ARHGAP32: variants seen among roughly 807,000 people sequenced by gnomAD.
ARHGAP32 encodes the protein rho GTPase-activating protein 32.
In ARHGAP32, 51 loss-of-function variants were observed where a neutral mutation model predicts 186.5. The ratio of observed to expected loss-of-function variants is 0.27; its 90% confidence interval spans 0.22 to 0.35. The LOEUF (loss-of-function observed/expected upper bound fraction) is 0.35. Ranked by LOEUF, ARHGAP32 falls within the 10% of genes least tolerant of loss-of-function variation. The pLI is 1.00. For synonymous variants in ARHGAP32, 950 were observed against 964.3 expected (o/e 0.99, Z 0.27); for missense variants, 2,186 against 2,623.5 (o/e 0.83, Z 3.64).
chr11:129,251,464 A>G (rs1259600050), intron 1 of ARHGAP32, among the ~76,000 whole-genome samples: 1 of 152,188 alleles, frequency 6.6e-6, no homozygotes, highest in Non-Finnish European at 1.5e-5. Flanking sequence ...ACAGAAAATG[A>G]CATCTAAGTT....
Position 129,124,881 on chromosome 11 carries a change from T to C in ARHGAP32, c.239A>G (p.Asp80Gly), listed in dbSNP as rs1942624615. The change falls in exon 3 of 23, where the codon GAT becomes GGT. Residue 80 changes from aspartate to glycine, a missense_variant. Coordinates refer to ENST00000682385, the MANE Select transcript of ARHGAP32 (RefSeq NM_001378024.1). ...AAGATCTCCAGGAATCTCTGGAACA[T>C]CTGCGCCTCTTGCCTTAAAAAATAA... ...ETLSAMARGA[D>G]VPEIPGDLTL... 1.2e-6 allele frequency: 2 copies of C among 1,609,172 alleles called. No homozygotes were observed. Among genetic ancestry groups the C allele is most frequent in the South Asian group, 2.2e-5 (2 of 90,228 alleles).
chr11:129,149,170 G>C (rs1305535912), intron 2 of ARHGAP32, among the ~76,000 whole-genome samples: 1 of 152,140 alleles, frequency 6.6e-6, no homozygotes, highest in Non-Finnish European at 1.5e-5. Context: ...CCACCCACAG[G>C]CTGGAGGCCA....
rs970395814 is a variant in ARHGAP32 at position 129,165,756 on chromosome 11, TA to T, written c.117-1330del. Among the ~76,000 whole-genome samples the T allele has an allele frequency of 9.2e-3, 1,293 of 140,048 alleles. 13 individuals carry two copies. Among genetic ancestry groups the T allele is most frequent in the African/African-American group, 0.03 (1,154 of 38,198 alleles). 91.9% of individuals were successfully genotyped at this position (140,048 alleles called of 152,430 possible). On this transcript the variant is annotated intron_variant, in intron 1 of 22. Transcript: ENST00000682385. ...AGCATCACCCCTAGCCTAGTAATAATAAAAAAAAAAATAGATAATCTGAAAA... is the reference window on the plus strand; with the variant it reads ...AGCATCACCCCTAGCCTAGTAATAATAAAAAAAAAATAGATAATCTGAAAA...
chr11:129,093,577 A>C, intron 6 of ARHGAP32, 44 bp downstream of exon 6: 1 of 1,367,896 alleles, frequency 7.3e-7, no homozygotes, highest in Non-Finnish European at 1.0e-6. Context: ...ACTCAACCTA[A>C]TTCTTAACTT....
chr11:129,271,369 A>G (rs556301781), intron 1 of ARHGAP32, among the ~76,000 whole-genome samples: 5 of 152,296 alleles, frequency 3.3e-5, no homozygotes, highest in African/African-American at 1.2e-4. Context: ...GAGGAAAAAA[A>G]GAAATCAAGG....
chr11:129,188,451 G>A lies in ARHGAP32; in HGVS notation c.116+3632C>T, dbSNP rs141295631. Reference sequence around the variant, plus strand: ...TCATCTAGATCTGATCTGATCGCCTGGGCCTGGGAGTTCAAAGCTGTTTTG... The same window carrying A: ...TCATCTAGATCTGATCTGATCGCCTAGGCCTGGGAGTTCAAAGCTGTTTTG... On this transcript the variant is annotated intron_variant, in intron 1 of 22. Coordinates refer to ENST00000682385, the MANE Select transcript of ARHGAP32 (RefSeq NM_001378024.1). Among the ~76,000 whole-genome samples the A allele has an allele frequency of 2.7e-3, 408 of 152,248 alleles. 1 individual carries two copies. In the South Asian group the frequency reaches 0.033, roughly 12 times the overall value.
chr11:128,974,523 A>G lies in ARHGAP32; in HGVS notation c.2674T>C (p.Ser892Pro). ...TTTTCAGTAAAGGAGGATGGCTTAG[A>G]TGATTTATCTTCAGTTGGGCTCAAG... ...LDLSPTEDKS[S>P]KPSSFTEKVV... The change falls in exon 21 of 23, where the codon TCT becomes CCT. Residue 892 changes from serine (S) to proline (P), a missense_variant. Ser to Pro is a moderately conservative substitution (Grantham distance 74). Around this residue, in one of 5 missense-constraint regions of ARHGAP32, gnomAD observed 1,502 missense variants for 1,570.0 expected, o/e 0.96. Coordinates refer to ENST00000682385, the MANE Select transcript of ARHGAP32 (RefSeq NM_001378024.1). The G allele has an allele frequency of 1.2e-6, 2 of 1,614,166 alleles. No individual in the cohort carries two copies. The highest frequency in any genetic ancestry group is 1.3e-5 in the African/African-American group (1 of 75,032).
chr11:128,985,852 G>GTATATA lies in ARHGAP32; in HGVS notation c.1526+150_1526+151insTATATA, dbSNP rs1356966729. 2.4e-3 allele frequency: 312 copies of GTATATA among 129,752 alleles called. 1 individual carries two copies. The highest frequency in any genetic ancestry group is 0.01 in the African/African-American group (228 of 22,756). 8.0% of individuals were successfully genotyped at this position (129,752 alleles called of 1,614,324 possible). A position where few individuals can be genotyped will look rare whatever the true frequency, so the allele number is the denominator to read the frequency against. The stretch of plus-strand genomic sequence containing the variant: ...TGTGCGTGTGTGTGTGTGTGTGTGT[G>GTATATA]TGTGTGTATATATATATATATATAT... On this transcript the variant is annotated intron_variant, in intron 15 of 22. Coordinates refer to ENST00000682385, the MANE Select transcript of ARHGAP32 (RefSeq NM_001378024.1).
At chr11:129,176,501 C>T (rs1461884504) in intron 1 of ARHGAP32, among the ~76,000 whole-genome samples, 4 of 138,884 alleles carry the variant, frequency 2.9e-5, no homozygotes, top group Non-Finnish European at 4.7e-5. Flanking sequence ...CAGCACCACA[C>T]CACACCCATT....
intron 11 of ARHGAP32, among the ~76,000 whole-genome samples, chr11:129,010,577 G>C (rs1938033763): frequency 6.6e-6 from 1 of 152,008 alleles, no homozygotes; most frequent in African/African-American, 2.4e-5. Context: ...GTTTTTGTCA[G>C]GTTTGTTGAA....
At chr11:129,116,248 T>C (rs1355073019) in intron 5 of ARHGAP32, among the ~76,000 whole-genome samples, 4 of 152,042 alleles carry the variant, frequency 2.6e-5, no homozygotes, top group Non-Finnish European at 5.9e-5. Context: ...TCAACAATAC[T>C]ATAAGTAAAC....
At chr11:129,169,503 C>T (rs369965789) in intron 1 of ARHGAP32, among the ~76,000 whole-genome samples, 36 of 151,782 alleles carry the variant, frequency 2.4e-4, no homozygotes, top group Admixed American at 7.9e-4. Context: ...TGGTGGCGGG[C>T]GCCTATAGTC....
intron 1 of ARHGAP32, among the ~76,000 whole-genome samples, chr11:129,232,688 T>C (rs935933796): frequency 2.0e-5 from 3 of 152,192 alleles, no homozygotes; most frequent in Non-Finnish European, 4.4e-5. Flanking sequence ...TCCAAGTTCA[T>C]GCGGGTTGTT....
Position 129,271,624 on chromosome 11 carries a change from C to T in ARHGAP32, c.-5+7522G>A, listed in dbSNP as rs1307696779. Reference sequence around the variant, plus strand: ...CTAGAAATAAGAATTTGAGCCTCATCGGCATATAAATGGTATTTGAAACCA... The same window carrying T: ...CTAGAAATAAGAATTTGAGCCTCATTGGCATATAAATGGTATTTGAAACCA... On this transcript the variant is annotated intron_variant, in intron 1 of 6. Transcript: ENST00000525234. Among the ~76,000 whole-genome samples, 3 of 152,156 alleles carry T rather than the reference C, an allele frequency of 2.0e-5. No individual in the cohort carries two copies. The East Asian group carries it at 5.8e-4, about 29-fold the overall frequency.
chr11:129,193,571 T>TATATATATATATTATATATA (rs1944319656), upstream of ARHGAP32, among the ~76,000 whole-genome samples: 1 of 12,314 alleles, frequency 8.1e-5, no homozygotes, highest in Non-Finnish European at 1.4e-4. Flanking sequence ...TTATATATAA[T>TATATATATATATTATATATA]ATATATATAT....
At position 129,117,691 on chromosome 11, in the gene ARHGAP32, G is replaced by T. The variant is rs890041162; in HGVS notation, c.444+5755C>A. Among the ~76,000 whole-genome samples the T allele has an allele frequency of 8.6e-5, 13 of 151,724 alleles. No homozygotes were observed. In the Admixed American group the frequency reaches 8.6e-4, roughly 10 times the overall value. ...TAACTTAATGTTTTGTATGAAATTG[G>T]ATAAAAAGAAACACATCAAGTGATA... is the stretch of plus-strand genomic sequence containing the variant. On this transcript the variant is annotated intron_variant, in intron 5 of 22. Transcript: ENST00000682385.
intron 11 of ARHGAP32, among the ~76,000 whole-genome samples, chr11:129,016,221 T>C (rs1266672331): frequency 6.6e-6 from 1 of 152,208 alleles, no homozygotes; most frequent in Non-Finnish European, 1.5e-5. Context: ...TTCTATTTTG[T>C]TGTCTTTTTC....
At chr11:129,245,601 AAAAT>A (rs777713723) in intron 1 of ARHGAP32, among the ~76,000 whole-genome samples, 6,672 of 150,118 alleles carry the variant, frequency 0.044, 343 homozygotes, top group African/African-American at 0.12. Flanking sequence ...AAGTATAATA[AAAAT>A]AAATAAATAA....
At chr11:129,131,993 G>C (rs571842670) in intron 2 of ARHGAP32, among the ~76,000 whole-genome samples, 1 of 152,256 alleles carries the variant, frequency 6.6e-6, no homozygotes, top group East Asian at 1.9e-4. Context: ...GTTTGTTAGA[G>C]GTAAACATCT....
Sources: gnomAD v4.1 joint callset for allele counts (sites outside exome capture counted in the v4.1 genomes callset) on GRCh38, gnomAD v4.1.1 for gene constraint, gnomAD v4.1.1 regional missense constraint, MANE v1.5 for transcripts, NCBI Gene and HGNC (gene_info 2026-07-23, HGNC 2026-07-21) for gene names.